Variants in KCNIP4 observed in about 807,000 individuals in gnomAD.
The protein encoded by KCNIP4 is potassium voltage-gated channel interacting protein 4, also known as Kv channel-interacting protein 4.
KCNIP4 carries 12 observed loss-of-function variants against 34.0 expected under a neutral mutation model. The ratio of observed to expected loss-of-function variants is 0.35; its 90% CI spans 0.23 to 0.57. KCNIP4 has a LOEUF of 0.57. Ranked by LOEUF, KCNIP4 falls within the 20% of genes least tolerant of loss-of-function variation. KCNIP4 has a pLI of 0.83. For missense variants in KCNIP4, 238 were observed against 311.7 expected (o/e 0.76, Z 1.78); for synonymous variants, 124 against 102.2 (o/e 1.21, Z -1.29).
intron 1 of KCNIP4, among the ~76,000 whole-genome samples, chr4:20,995,071 A>C (rs1737426515): frequency 6.6e-6 from 1 of 152,184 alleles, no homozygotes; most frequent in Non-Finnish European, 1.5e-5. Context: ...CTATATTTAC[A>C]CTTTTCCAGG....
chr4:20,849,395 G>A (rs769702315), intron 3 of KCNIP4, among the ~76,000 whole-genome samples: 1 of 152,144 alleles, frequency 6.6e-6, no homozygotes, highest in Admixed American at 6.6e-5. Flanking sequence ...GGAAACTTGT[G>A]TGCAATGCGC....
intron 3 of KCNIP4, among the ~76,000 whole-genome samples, chr4:20,784,810 A>G (rs1049814694): frequency 2.0e-5 from 3 of 152,132 alleles, no homozygotes; most frequent in Non-Finnish European, 4.4e-5. Flanking sequence ...AAACACTGTG[A>G]TGTGTGCATT....
intron 3 of KCNIP4, among the ~76,000 whole-genome samples, chr4:20,772,804 G>C (rs1053221956): frequency 1.8e-4 from 28 of 151,932 alleles, no homozygotes; most frequent in African/African-American, 6.3e-4. Flanking sequence ...ACGACGCCCG[G>C]CTAATTTTTT....
intron 1 of KCNIP4, among the ~76,000 whole-genome samples, chr4:21,245,906 G>A (rs1046057430): frequency 6.6e-6 from 1 of 152,146 alleles, no homozygotes; most frequent in Non-Finnish European, 1.5e-5. Context: ...AACTAGCAAA[G>A]GAAGACAAGG....
intron 1 of KCNIP4, among the ~76,000 whole-genome samples, chr4:21,307,904 T>C (rs1191206788): frequency 6.6e-6 from 1 of 152,170 alleles, no homozygotes; most frequent in Non-Finnish European, 1.5e-5. Context: ...ATGAAAGCAA[T>C]ACAAGGAAGG....
chr4:21,217,787 G>T (rs1757694130), intron 1 of KCNIP4, among the ~76,000 whole-genome samples: 1 of 152,206 alleles, frequency 6.6e-6, no homozygotes, highest in East Asian at 1.9e-4. Flanking sequence ...GAGAAACTTT[G>T]ATTTATAGGA....
intron 1 of KCNIP4, among the ~76,000 whole-genome samples, chr4:20,949,535 G>A (rs1431340783): frequency 1.3e-5 from 2 of 152,048 alleles, no homozygotes; most frequent in African/African-American, 2.4e-5. Flanking sequence ...TATAAATCAT[G>A]CTGCTATAAA....
chr4:21,936,753 T>C (rs1729884243), intron 1 of KCNIP4, among the ~76,000 whole-genome samples: 1 of 152,168 alleles, frequency 6.6e-6, no homozygotes, highest in African/African-American at 2.4e-5. Context: ...CTTCCATTAA[T>C]GTTCTGCAGC....
chr4:21,715,752 C>CA lies in KCNIP4; in HGVS notation c.61+232818dup, dbSNP rs1042625211. Among the ~76,000 whole-genome samples the CA allele has an allele frequency of 6.6e-5, 10 of 152,046 alleles. No individual in the cohort carries two copies. In the South Asian group the frequency reaches 1.5e-3, roughly 22 times the overall value. ...AATGTCAGGGGTGAGTTGCATCCAT[C>CA]AAAAAAAGTCCTAACTGAAAAAAGT... On this transcript the variant is annotated intron_variant, in intron 1 of 8. Coordinates refer to ENST00000382152, the MANE Select transcript of KCNIP4 (RefSeq NM_025221.6).
intron 1 of KCNIP4, among the ~76,000 whole-genome samples, chr4:21,792,343 C>T (rs900283163): frequency 1.3e-5 from 2 of 152,116 alleles, no homozygotes; most frequent in Non-Finnish European, 2.9e-5. Flanking sequence ...TTCCACTACA[C>T]TCTGCTTCTG....
At chr4:21,598,782 A>G (rs2109113964) in intron 1 of KCNIP4, among the ~76,000 whole-genome samples, 1 of 152,184 alleles carries the variant, frequency 6.6e-6, no homozygotes, top group African/African-American at 2.4e-5. Context: ...GCATTCATGC[A>G]CCAGTGGGGT....
chr4:21,331,123 T>C (rs1372708889), intron 1 of KCNIP4, among the ~76,000 whole-genome samples: 1 of 152,164 alleles, frequency 6.6e-6, no homozygotes, highest in East Asian at 1.9e-4. Flanking sequence ...CGTTTTGACT[T>C]TCTATTCTCA....
chr4:21,890,574 G>A (rs1340006620), intron 1 of KCNIP4, among the ~76,000 whole-genome samples: 3 of 151,958 alleles, frequency 2.0e-5, no homozygotes, highest in Non-Finnish European at 2.9e-5. Flanking sequence ...TGTACAGGCA[G>A]CTTCATACCA....
In KCNIP4 at chr4:20,780,554, C is replaced by T. The variant is rs547026048; in HGVS notation, c.289-21664G>A. Among the ~76,000 whole-genome samples, 193 of 152,310 alleles carry T rather than the reference C, an allele frequency of 1.3e-3. 4 individuals are homozygous for T. The South Asian group carries it at 0.039, about 30-fold the overall frequency. On this transcript the variant is annotated intron_variant, in intron 3 of 8. Coordinates refer to ENST00000382152, the MANE Select transcript of KCNIP4 (RefSeq NM_025221.6). ...GCTCTGTTAGACAATTTTCTTACTT[C>T]AGGAACTGCCAATACCCCATTTAAC...
chr4:21,090,148 C>T (rs961160046), intron 1 of KCNIP4, among the ~76,000 whole-genome samples: 4 of 152,138 alleles, frequency 2.6e-5, no homozygotes, highest in African/African-American at 9.7e-5. Context: ...CACGTATAGC[C>T]TGTTCTCTTC....
intron 1 of KCNIP4, among the ~76,000 whole-genome samples, chr4:21,085,860 C>T (rs902930068): frequency 2.0e-5 from 3 of 152,124 alleles, no homozygotes; most frequent in Admixed American, 2.0e-4. Flanking sequence ...TATAATCATC[C>T]AGAAAGATAA....
intron 1 of KCNIP4, among the ~76,000 whole-genome samples, chr4:21,137,258 CAG>C (rs1274289879): frequency 1.6e-4 from 24 of 152,122 alleles, no homozygotes; most frequent in Non-Finnish European, 2.2e-4. Flanking sequence ...GAGCAAATGA[CAG>C]AAGAAGCAAC....
chr4:21,654,642 G>A (rs1201055330), intron 1 of KCNIP4, among the ~76,000 whole-genome samples: 2 of 152,104 alleles, frequency 1.3e-5, no homozygotes, highest in Non-Finnish European at 2.9e-5. Flanking sequence ...TAGAAAACTG[G>A]GCCGGGTATG....
intron 1 of KCNIP4, among the ~76,000 whole-genome samples, chr4:21,024,601 C>T (rs567584907): frequency 3.3e-5 from 5 of 152,180 alleles, no homozygotes; most frequent in East Asian, 1.9e-4. Flanking sequence ...ATGTTTGAAC[C>T]GTTTCTAAAA....
Sources: gnomAD v4.1 joint callset for allele counts (sites outside exome capture counted in the v4.1 genomes callset) on GRCh38, gnomAD v4.1.1 for gene constraint, MANE v1.5 for transcripts, NCBI Gene and HGNC (gene_info 2026-07-23, HGNC 2026-07-21) for gene names.